Variants in ABCC8 observed in about 807,000 individuals in gnomAD.
ABCC8 encodes the protein ATP-binding cassette sub-family C member 8.
ABCC8 carries 137 observed loss-of-function variants against 188.0 expected under a neutral mutation model. The observed-to-expected ratio is 0.73, with a 90% CI of 0.63 to 0.84. ABCC8 has a LOEUF of 0.84. ABCC8 is among the 40% of genes least tolerant of loss of function. The probability of loss-of-function intolerance (pLI) is 0.00; values close to 1 mark genes in which losing one functional copy is unlikely to be tolerated. For synonymous variants in ABCC8, 797 were observed against 846.5 expected (o/e 0.94, Z 1.01); for missense variants, 1,750 against 2,072.7 (o/e 0.84, Z 3.02).
At chr11:17,443,458 A>G in intron 8 of ABCC8, 146 bp from the exon 9 acceptor site, 1 of 1,363,456 alleles carries the variant, frequency 7.3e-7, no homozygotes, top group South Asian at 1.3e-5. Context: ...AGTGGAGTGC[A>G]GGGAAGGAGG....
In ABCC8 at chr11:17,460,645, C is replaced by G; in HGVS notation, c.854G>C (p.Arg285Pro). Residue 285 changes from arginine to proline, a missense_variant, in exon 6 of 39, where the codon CGG becomes CCG. Arg to Pro is a moderately radical substitution (Grantham distance 103, BLOSUM62 -2). Coordinates refer to ENST00000389817, the MANE Select transcript of ABCC8 (RefSeq NM_000352.6). ...RKDIQGTQGA[R>P]AIWQALSHAF... The stretch of plus-strand genomic sequence containing the variant: ...ATGGCTGAGTGCCTGCCAGATGGCC[C>G]GGGCACCTTGAGTGCCCTGAATGTC... 2 of 1,611,332 alleles carry G rather than the reference C, an allele frequency of 1.2e-6. No homozygotes were observed.
intron 28 of ABCC8, among the ~76,000 whole-genome samples, chr11:17,403,291 A>G (rs570496171): frequency 2.6e-5 from 4 of 152,136 alleles, no homozygotes; most frequent in Non-Finnish European, 4.4e-5. Context: ...CTGCTCCCCA[A>G]AGCTGCACCT....
At chr11:17,440,221 C>T (rs1358457004) in intron 10 of ABCC8, among the ~76,000 whole-genome samples, 1 of 152,188 alleles carries the variant, frequency 6.6e-6, no homozygotes, top group Non-Finnish European at 1.5e-5. Context: ...CTACCCCACC[C>T]TGTTGTTCCT....
At chr11:17,441,311 T>C (rs873314) in intron 10 of ABCC8, among the ~76,000 whole-genome samples, 33,094 of 152,018 alleles carry the variant, frequency 0.22, 3,806 homozygotes, top group African/African-American at 0.27. Context: ...GTCCGAGCCA[T>C]GCTACTAACC....
intron 19 of ABCC8, among the ~76,000 whole-genome samples, 197 bp downstream of exon 19, chr11:17,414,315 G>T (rs958542780): frequency 6.6e-6 from 1 of 150,942 alleles, no homozygotes; most frequent in Non-Finnish European, 1.5e-5. Context: ...TCCCCTATGG[G>T]AGCTGGATTG....
chr11:17,394,494 T>C (rs1266378401), intron 36 of ABCC8, 95 bp from the exon 37 acceptor site: 5 of 1,591,350 alleles, frequency 3.1e-6, no homozygotes, highest in Non-Finnish European at 4.3e-6. Flanking sequence ...GGAAAATGTG[T>C]GCATGGGGGC....
At chr11:17,397,873 G>C (rs934111328) in intron 30 of ABCC8, 76 bp from the exon 31 acceptor site, 9 of 1,571,806 alleles carry the variant, frequency 5.7e-6, no homozygotes, top group Middle Eastern at 1.8e-4. Context: ...ACTCCTTTTC[G>C]GGGCAGAGAG....
chr11:17,451,681 G>T (rs1956820887), intron 7 of ABCC8, among the ~76,000 whole-genome samples: 1 of 152,202 alleles, frequency 6.6e-6, no homozygotes, highest in Non-Finnish European at 1.5e-5. Context: ...ACAACTTCAT[G>T]GACATCACTA....
At chr11:17,396,066 C>G (rs758002096) in intron 33 of ABCC8, 136 bp from the exon 34 acceptor site, 2 of 1,510,876 alleles carry the variant, frequency 1.3e-6, no homozygotes, top group Non-Finnish European at 1.8e-6. Context: ...ACTAGTTTCT[C>G]TTTGGACACC....
rs770664202 is a variant in ABCC8, at chr11:17,463,477, CCCAT to C, written c.536_539del (p.Tyr179Ter). 10 of 1,605,730 alleles carry C rather than the reference CCCAT, an allele frequency of 6.2e-6. No homozygotes were observed. The highest frequency in any genetic ancestry group is 7.7e-6 in the Non-Finnish European group (9 of 1,176,340). On this transcript the variant is annotated frameshift_variant, in exon 4 of 39. Coordinates refer to ENST00000389817, the MANE Select transcript of ABCC8 (RefSeq NM_000352.6). LOFTEE classifies it high-confidence loss of function. Reference sequence around the variant, plus strand: ...CATTGACCTCCACGAGGAGCAGCATCCCATAGAGGATCACCAGCAGCCCTGTGAG... The same window carrying C: ...CATTGACCTCCACGAGGAGCAGCATCAGAGGATCACCAGCAGCCCTGTGAG...
chr11:17,463,200 C>T (rs979164247), intron 4 of ABCC8, among the ~76,000 whole-genome samples: 6 of 152,280 alleles, frequency 3.9e-5, no homozygotes, highest in Middle Eastern at 6.8e-3. Flanking sequence ...CCAACCTCAG[C>T]GAACACACCC....
intron 27 of ABCC8, 79 bp downstream of exon 27, chr11:17,405,415 C>G (rs1488574771): frequency 1.4e-5 from 22 of 1,601,654 alleles, no homozygotes; most frequent in Non-Finnish European, 1.9e-5. Flanking sequence ...ATCTGGGGAA[C>G]CCAGCCTCAG....
intron 6 of ABCC8, among the ~76,000 whole-genome samples, chr11:17,458,031 C>G (rs55730015): frequency 0.038 from 5,715 of 152,232 alleles, 372 homozygotes; most frequent in African/African-American, 0.13. Flanking sequence ...ACCAAATGAT[C>G]TCAGTAAATG....
chr11:17,423,356 CAAA>C (rs58524307), intron 16 of ABCC8, among the ~76,000 whole-genome samples: 1 of 63,344 alleles, frequency 1.6e-5, no homozygotes. Flanking sequence ...GACTCCGTCT[CAAA>C]AAAAAAAAAA....
Position 17,394,295 on chromosome 11 carries a change from C to T in ABCC8, c.4516G>A (p.Glu1506Lys), listed in dbSNP as rs137852671. 6.2e-7 allele frequency: 1 copy of T among 1,613,974 alleles called. No homozygotes were observed. Among genetic ancestry groups the T allele is most frequent in the Non-Finnish European group, 8.5e-7 (1 of 1,180,026 alleles). Residue 1506 changes from glutamate to lysine, a missense_variant, in exon 37 of 39, where the codon GAG becomes AAG. Physicochemically the swap from Glu to Lys is moderately conservative, Grantham distance 56. Transcript: ENST00000389817. The stretch of plus-strand genomic sequence containing the variant: ...GCCATGTCAATGGAAGCCGTGGCCT[C>T]GTCCATGATGAAGATGCTGGTCTTC... ...VRKTSIFIMD[E>K]ATASIDMATE...
intron 32 of ABCC8, 27 bp downstream of exon 32, chr11:17,397,166 C>G: frequency 6.2e-7 from 1 of 1,613,366 alleles, no homozygotes; most frequent in Non-Finnish European, 8.5e-7. Context: ...TTGGACTCTT[C>G]CCCACCCCTC....
At chr11:17,393,240 C>T in intron 38 of ABCC8, 112 bp from the exon 39 acceptor site, 1 of 1,429,604 alleles carries the variant, frequency 7.0e-7, no homozygotes, top group Non-Finnish European at 9.6e-7. Context: ...AGGCATGTGG[C>T]CAGAATGTCC....
chr11:17,463,177 G>A (rs559225298), intron 4 of ABCC8, among the ~76,000 whole-genome samples: 18 of 152,168 alleles, frequency 1.2e-4, no homozygotes, highest in Admixed American at 2.0e-4. Flanking sequence ...CCCTTTCTAC[G>A]GAAAGTCATC....
At position 17,396,995 on chromosome 11, in the gene ABCC8, T is replaced by A; in HGVS notation, c.4040A>T (p.Gln1347Leu). 1 of 1,614,204 alleles carries A rather than the reference T, an allele frequency of 6.2e-7. No individual in the cohort carries two copies. The highest frequency in any genetic ancestry group is 8.5e-7 in the Non-Finnish European group (1 of 1,180,012). ...NWPDQGKIQI[Q>L]NLSVRYDSSL... ...GCTGTCGTAGCGCACGCTCAGGTTC[T>A]GGATCTGGATCTTCCCTTGGTCTGG... Residue 1347 changes from glutamine (Q) to leucine (L), a missense_variant, in exon 33 of 39, where the codon CAG (glutamine) becomes CTG (leucine). Physicochemically the swap from Gln to Leu is moderately radical, Grantham distance 113 (BLOSUM62 -2). Coordinates refer to ENST00000389817, the MANE Select transcript of ABCC8 (RefSeq NM_000352.6).
Sources: gnomAD v4.1 joint callset for allele counts (sites outside exome capture counted in the v4.1 genomes callset) on GRCh38, gnomAD v4.1.1 for gene constraint, MANE v1.5 for transcripts, NCBI Gene and HGNC (gene_info 2026-07-23, HGNC 2026-07-21) for gene names.